The following CPNE7 variants were observed in gnomAD, a reference collection of about 807,000 sequenced individuals.
CPNE7 encodes copine 7, also known as copine-7.
CPNE7 carries 78 observed loss-of-function variants against 66.5 expected under a neutral mutation model. The ratio of observed to expected loss-of-function variants is 1.17; its 90% CI spans 0.98 to 1.42. The LOEUF is 1.42. Ranked by LOEUF, CPNE7 falls within the 40% of genes most tolerant of loss-of-function variation. The pLI, the probability that CPNE7 is intolerant of heterozygous loss-of-function variation, is 0.00. For missense variants in CPNE7, 1,012 were observed against 776.6 expected (o/e 1.30, Z -3.60); for synonymous variants, 468 against 336.7 (o/e 1.39, Z -4.27).
At chr16:89,590,909 TGGG>T in intron 11 of CPNE7, 95 bp from the exon 12 acceptor site, 1 of 1,037,608 alleles carries the variant, frequency 9.6e-7, no homozygotes, top group Non-Finnish European at 1.3e-6. Context: ...CTGGGGGACA[TGGG>T]GGCTGGGGAC....
intron 2 of CPNE7, chr16:89,578,812 G>C: frequency 6.4e-7 from 1 of 1,550,548 alleles, no homozygotes; most frequent in Non-Finnish European, 8.7e-7. Flanking sequence ...TCCTACGGTG[G>C]CCACTGCTTC....
chr16:89,576,119 C>T, intron 1 of CPNE7, 48 bp downstream of exon 1: 2 of 1,232,458 alleles, frequency 1.6e-6, no homozygotes, highest in Non-Finnish European at 2.0e-6. Flanking sequence ...CCGGGGCTGG[C>T]GCCGAGCTGG....
At chr16:89,577,776 C>T (rs962430013) in intron 2 of CPNE7, 55 bp downstream of exon 2, 73 of 1,522,756 alleles carry the variant, frequency 4.8e-5, no homozygotes, top group Non-Finnish European at 6.0e-5. Flanking sequence ...GGGCCACAGC[C>T]GATTCAAGGC....
At chr16:89,579,788 CG>C (rs2058920347) in intron 2 of CPNE7, among the ~76,000 whole-genome samples, 3 of 123,390 alleles carry the variant, frequency 2.4e-5, no homozygotes, top group East Asian at 2.3e-4. Context: ...TCCCGTCACC[CG>C]CTGACACGGA....
chr16:89,586,005 G>A (rs1597704159), intron 7 of CPNE7, among the ~76,000 whole-genome samples: 1 of 123,260 alleles, frequency 8.1e-6, no homozygotes, highest in African/African-American at 3.1e-5. Context: ...AGGTGAGGGG[G>A]GCCTCCAGGG....
intron 3 of CPNE7, 75 bp from the exon 4 acceptor site, chr16:89,583,953 C>G: frequency 6.4e-7 from 1 of 1,561,462 alleles, no homozygotes; most frequent in Non-Finnish European, 8.7e-7. Context: ...GTCAGCCAGC[C>G]TGGGGCCTCT....
intron 10 of CPNE7, among the ~76,000 whole-genome samples, chr16:89,589,624 C>T (rs1017297879): frequency 3.3e-5 from 5 of 152,128 alleles, no homozygotes; most frequent in Non-Finnish European, 4.4e-5. Flanking sequence ...GGTCTGAGAG[C>T]CCCCGGGGAG....
intron 10 of CPNE7, among the ~76,000 whole-genome samples, chr16:89,589,213 A>G (rs927864703): frequency 4.6e-5 from 7 of 152,064 alleles, no homozygotes; most frequent in African/African-American, 1.7e-4. Context: ...AATCACTGGA[A>G]CCCGGGAGGC....
rs1471264226 is a variant in CPNE7 at position 89,595,592 on chromosome 16, G to C, written c.1528G>C (p.Glu510Gln). 1.9e-6 allele frequency: 3 copies of C among 1,603,644 alleles called. No individual in the cohort carries two copies. Among genetic ancestry groups the C allele is most frequent in the Non-Finnish European group, 2.6e-6 (3 of 1,173,022 alleles). Reference protein sequence around the residue: ...RDIVQFVPFRELKNASPAALA... With the variant: ...RDIVQFVPFRQLKNASPAALA... Reference sequence around the variant, plus strand: ...CATCGTACAGTTCGTGCCCTTCCGGGAGCTCAAGAACGTGAGTGTCCTGGA... The same window carrying C: ...CATCGTACAGTTCGTGCCCTTCCGGCAGCTCAAGAACGTGAGTGTCCTGGA... The change falls in exon 14 of 15, where the codon GAG (glutamate) becomes CAG (glutamine). Residue 510 changes from glutamate (E) to glutamine (Q), a missense_variant. Transcript: ENST00000319518.
intron 2 of CPNE7, among the ~76,000 whole-genome samples, chr16:89,580,218 C>T (rs1438187267): frequency 1.9e-5 from 1 of 53,774 alleles, no homozygotes; most frequent in African/African-American, 4.7e-5. Context: ...CCGTCACCCG[C>T]TGACACGGAA....
In CPNE7 at chr16:89,591,065, G is replaced by T; in HGVS notation, c.1168+7G>T. ...GAGGACGATGAGTGTGAAGGTAGGA[G>T]CTCGAGGCAGGCCTGGGGAGGGGAG... On this transcript the variant is annotated splice_region_variant and intron_variant, in intron 12 of 14. Coordinates refer to ENST00000319518, the MANE Select transcript of CPNE7 (RefSeq NM_153636.3). 2 of 1,613,670 alleles carry T rather than the reference G, an allele frequency of 1.2e-6. No homozygotes were observed. The highest frequency in any genetic ancestry group is 8.5e-7 in the Non-Finnish European group (1 of 1,179,888).
chr16:89,595,952 C>G (rs1375011322), intron 14 of CPNE7: 4 of 520,730 alleles, frequency 7.7e-6, no homozygotes, highest in Non-Finnish European at 1.1e-5. Context: ...GAGACACACA[C>G]AGCACACACG....
intron 9 of CPNE7, chr16:89,587,616 C>A (rs1010260632): frequency 2.2e-6 from 1 of 453,486 alleles, no homozygotes; most frequent in Non-Finnish European, 4.4e-6. Flanking sequence ...ACAGTCTCTA[C>A]GTGTCATCCA....
chr16:89,591,364 A>G, intron 13 of CPNE7, 104 bp downstream of exon 13: 1 of 1,416,580 alleles, frequency 7.1e-7, no homozygotes. Context: ...CAGCCAGCGC[A>G]GAGGCCCCCA....
At chr16:89,578,495 C>G (rs1339312871) in intron 2 of CPNE7, among the ~76,000 whole-genome samples, 1 of 152,170 alleles carries the variant, frequency 6.6e-6, no homozygotes, top group Admixed American at 6.5e-5. Context: ...CGTGGTGGCT[C>G]ACACCTGTGA....
In CPNE7 at chr16:89,583,780, C is replaced by T. The variant is rs200302953; in HGVS notation, c.432+9C>T. The T allele has an allele frequency of 2.4e-5, 39 of 1,612,244 alleles. No homozygotes were observed. Among genetic ancestry groups the T allele is most frequent in the Non-Finnish European group, 2.9e-5 (34 of 1,179,756 alleles). ...GCAAGTCCACCATCACGGTGAGACC[C>T]GGGCGCACCCCTGCAGCCTGCAGGC... On this transcript the variant is annotated intron_variant, in intron 3 of 14. Transcript: ENST00000319518.
Position 89,596,766 on chromosome 16 carries a change from C to T in CPNE7, c.*145C>T. On this transcript the variant is annotated 3_prime_UTR_variant, in exon 15 of 15. Transcript: ENST00000319518. ...GCCCCACTCCCAGTCCTCCTGGGAT[C>T]CTGCTGGCTTGGGCCCGGCTCTGGG... 1 of 1,089,404 alleles carries T rather than the reference C, an allele frequency of 9.2e-7. No individual in the cohort carries two copies. Among genetic ancestry groups the T allele is most frequent in the Non-Finnish European group, 1.2e-6 (1 of 821,440 alleles). 67.5% of individuals were successfully genotyped at this position (1,089,404 alleles called of 1,614,324 possible). A position where few individuals can be genotyped will look rare whatever the true frequency, so the allele number is the denominator to read the frequency against.
At chr16:89,577,235 G>C (rs768853836) in intron 1 of CPNE7, among the ~76,000 whole-genome samples, 1 of 152,110 alleles carries the variant, frequency 6.6e-6, no homozygotes, top group South Asian at 2.1e-4. Flanking sequence ...CTGCACTTTA[G>C]GGCTGCCCAG....
rs1293802129 is a variant in CPNE7, at chr16:89,587,181, GCCCCT to G, written c.927+84_927+88del. The stretch of plus-strand genomic sequence containing the variant: ...CCCCGCCCCCTCAGTCCGTGGCCCC[GCCCCT>G]CCCCGCCCCCTCAGTCTGTGGCCCC... On this transcript the variant is annotated intron_variant, in intron 9 of 14. Transcript: ENST00000319518. The G allele has an allele frequency of 3.9e-5, 23 of 588,082 alleles. 1 individual carries two copies. The highest frequency in any genetic ancestry group is 4.5e-4 in the Middle Eastern group (1 of 2,202). 36.4% of individuals were successfully genotyped at this position (588,082 alleles called of 1,614,324 possible).
Sources: allele counts gnomAD v4.1 joint callset (sites outside exome capture counted in the v4.1 genomes callset), GRCh38; gene constraint gnomAD v4.1.1; transcripts MANE v1.5; gene names NCBI Gene and HGNC (gene_info 2026-07-23, HGNC 2026-07-21).